Variants in IQCM observed in about 807,000 individuals in gnomAD.
IQCM encodes IQ domain-containing protein M.
A neutral mutation model predicts 57.6 loss-of-function variants in IQCM; 45 were observed. The ratio of observed to expected loss-of-function variants is 0.78; its 90% CI spans 0.62 to 1.00. The LOEUF (loss-of-function observed/expected upper bound fraction) is 1.00, where lower values mean the gene tolerates loss of function less well. Ranked by LOEUF, IQCM falls within the 50% of genes least tolerant of loss-of-function variation. IQCM has a pLI of 0.00. For missense variants in IQCM, 468 were observed against 511.6 expected, an observed-to-expected ratio of 0.91 and a Z score of 0.82; for synonymous variants, 148 against 158.9, an observed-to-expected ratio of 0.93 and a Z score of 0.51.
chr4:149,414,951 T>G (rs1733639828), intron 13 of IQCM, among the ~76,000 whole-genome samples: 1 of 152,136 alleles, frequency 6.6e-6, no homozygotes, highest in South Asian at 2.1e-4. Flanking sequence ...ATACTTTGCA[T>G]CAAATATAAT....
intron 12 of IQCM, among the ~76,000 whole-genome samples, chr4:149,544,071 C>T (rs1748140723): frequency 6.6e-6 from 1 of 152,098 alleles, no homozygotes; most frequent in African/African-American, 2.4e-5. Flanking sequence ...GATTTACTCA[C>T]ACCTTTGTAC....
chr4:149,484,274 G>A (rs1579220528), intron 12 of IQCM, among the ~76,000 whole-genome samples: 1 of 151,924 alleles, frequency 6.6e-6, no homozygotes, highest in East Asian at 1.9e-4. Context: ...TATGTCTTTT[G>A]ATTGTAGAGT....
At chr4:149,455,705 C>G (rs1414422895) in intron 12 of IQCM, among the ~76,000 whole-genome samples, 1 of 152,076 alleles carries the variant, frequency 6.6e-6, no homozygotes, top group Non-Finnish European at 1.5e-5. Context: ...GTGTCTCACC[C>G]CTGTAATCCC....
chr4:149,661,880 T>G (rs557251485), intron 7 of IQCM, among the ~76,000 whole-genome samples: 25 of 152,214 alleles, frequency 1.6e-4, no homozygotes, highest in African/African-American at 6.0e-4. Flanking sequence ...TTGGTTATGT[T>G]TCTTAAAAAA....
At chr4:149,451,987 T>G (rs1737167622) in intron 12 of IQCM, among the ~76,000 whole-genome samples, 1 of 151,688 alleles carries the variant, frequency 6.6e-6, no homozygotes, top group Non-Finnish European at 1.5e-5. Flanking sequence ...CTACAAAAGC[T>G]GCTAGAATAA....
intron 8 of IQCM, among the ~76,000 whole-genome samples, chr4:149,589,620 A>G (rs1481865385): frequency 6.6e-6 from 1 of 151,994 alleles, no homozygotes. Context: ...ATTTCATGGC[A>G]TTCATTTCTT....
Position 149,392,257 on chromosome 4 carries a change from G to C in IQCM, c.1391-40191C>G, listed in dbSNP as rs1474148949. On this transcript the variant is annotated intron_variant, in intron 13 of 13. Transcript: ENST00000636793. ...ATCAATGACTGAAATTCCTGTAAGT[G>C]ATTCTATTCACACTTTTGGTTGGGC... Among the ~76,000 whole-genome samples, 3 of 151,874 alleles carry C rather than the reference G, an allele frequency of 2.0e-5. No homozygotes were observed. In the South Asian group the frequency reaches 6.2e-4, roughly 32 times the overall value.
At chr4:149,672,575 GA>G (rs1056931223) in intron 7 of IQCM, among the ~76,000 whole-genome samples, 1 of 151,956 alleles carries the variant, frequency 6.6e-6, no homozygotes, top group Non-Finnish European at 1.5e-5. Context: ...GAAGTTTAGA[GA>G]AAAAAGAGTA....
chr4:149,479,040 C>A (rs981316216), intron 12 of IQCM, among the ~76,000 whole-genome samples: 4 of 151,996 alleles, frequency 2.6e-5, no homozygotes, highest in African/African-American at 7.2e-5. Flanking sequence ...AAACTTTTGA[C>A]AGAATCAAAA....
intron 12 of IQCM, among the ~76,000 whole-genome samples, chr4:149,434,902 C>G (rs565177002): frequency 6.6e-6 from 1 of 151,988 alleles, no homozygotes; most frequent in Non-Finnish European, 1.5e-5. Flanking sequence ...TTCCTATGAA[C>G]GGCTTCCCAC....
rs575382006 is a variant in IQCM, at chr4:149,582,597, T to C, written c.749+5333A>G. Reference sequence around the variant, plus strand: ...TAATGTCCATGTGTGTACAGTGTTATAGAGGAGATTTGTCCTTTGGAAAGA... The same window carrying C: ...TAATGTCCATGTGTGTACAGTGTTACAGAGGAGATTTGTCCTTTGGAAAGA... On this transcript the variant is annotated intron_variant, in intron 9 of 13. Coordinates refer to ENST00000636793, the MANE Select transcript of IQCM (RefSeq NM_001363507.2). 3.4e-3 allele frequency among the ~76,000 whole-genome samples: 508 copies of C among 151,318 alleles called. 15 individuals carry two copies. Among genetic ancestry groups the C allele is most frequent in the Non-Finnish European group, 3.3e-4 (22 of 67,666 alleles).
At chr4:149,640,868 C>T (rs1439434805) in intron 7 of IQCM, among the ~76,000 whole-genome samples, 3 of 152,150 alleles carry the variant, frequency 2.0e-5, no homozygotes, top group Non-Finnish European at 4.4e-5. Flanking sequence ...TGGCTCACAT[C>T]TATATAATCC....
rs572231436 is a variant in IQCM, at chr4:149,579,297, C to G, written c.749+8633G>C. Among the ~76,000 whole-genome samples, 11 of 151,894 alleles carry G rather than the reference C, an allele frequency of 7.2e-5. No homozygotes were observed. In the South Asian group the frequency reaches 1.9e-3, roughly 26 times the overall value. On this transcript the variant is annotated intron_variant, in intron 9 of 13. Coordinates refer to ENST00000636793, the MANE Select transcript of IQCM (RefSeq NM_001363507.2). ...CCATGCTTATGAGTGAGGAAGTACA[C>G]TCTTGACTTCTCTAGAGATGAGGCC...
At chr4:149,669,253 T>G (rs1228183976) in intron 7 of IQCM, among the ~76,000 whole-genome samples, 1 of 152,214 alleles carries the variant, frequency 6.6e-6, no homozygotes, top group Non-Finnish European at 1.5e-5. Flanking sequence ...TTTTTTTATG[T>G]GTCTGTTGGC....
chr4:149,775,323 A>T (rs1384606742), intron 2 of IQCM, among the ~76,000 whole-genome samples: 2 of 152,176 alleles, frequency 1.3e-5, no homozygotes, highest in Non-Finnish European at 2.9e-5. Context: ...GACAAAAAAA[A>T]AAGTAGTGCC....
At chr4:149,352,839 G>A (rs1183316863) in intron 13 of IQCM, among the ~76,000 whole-genome samples, 1 of 152,002 alleles carries the variant, frequency 6.6e-6, no homozygotes, top group Non-Finnish European at 1.5e-5. Flanking sequence ...TAAATAAAAG[G>A]TATAGATTTA....
intron 12 of IQCM, among the ~76,000 whole-genome samples, chr4:149,544,458 A>G (rs1463277290): frequency 6.6e-6 from 1 of 152,204 alleles, no homozygotes; most frequent in Non-Finnish European, 1.5e-5. Flanking sequence ...ATTAGACTTT[A>G]TATTGTTAAT....
chr4:149,594,907 T>A (rs192611729), intron 8 of IQCM, among the ~76,000 whole-genome samples: 17 of 152,280 alleles, frequency 1.1e-4, no homozygotes, highest in African/African-American at 4.1e-4. Flanking sequence ...AAGTGTGATG[T>A]CATGCTGAGA....
At chr4:149,604,902 C>T (rs1364014990) in intron 8 of IQCM, among the ~76,000 whole-genome samples, 1 of 152,158 alleles carries the variant, frequency 6.6e-6, no homozygotes, top group Non-Finnish European at 1.5e-5. Flanking sequence ...CCAGGGCAGG[C>T]ACAGTCTGTT....
Sources: gnomAD v4.1 joint callset for allele counts (sites outside exome capture counted in the v4.1 genomes callset) on GRCh38, gnomAD v4.1.1 for gene constraint, MANE v1.5 for transcripts, NCBI Gene and HGNC (gene_info 2026-07-23, HGNC 2026-07-21) for gene names.